The following PACS2 variants were observed in gnomAD, a reference collection of about 807,000 sequenced individuals.
The protein encoded by PACS2 is phosphofurin acidic cluster sorting protein 2.
In PACS2, 36 loss-of-function variants were observed where a neutral mutation model predicts 113.0. That is an observed-to-expected ratio of 0.32 (90% CI 0.24 to 0.42). The LOEUF (loss-of-function observed/expected upper bound fraction) is 0.42. PACS2 is among the 10% of genes least tolerant of loss of function. PACS2 has a pLI of 1.00. For missense variants in PACS2, 1,015 were observed against 1,239.5 expected (o/e 0.82, Z 2.72); for synonymous variants, 589 against 536.1 (o/e 1.10, Z -1.36).
At chr14:105,314,367 G>A (rs1336554350), upstream of PACS2, 1 of 151,822 alleles carries the variant, frequency 6.6e-6, no homozygotes, top group Non-Finnish European at 1.5e-5. Flanking sequence ...TCGCCAGGGC[G>A]ACGATGAGCT....
chr14:105,353,038 C>G (rs2060274437), intron 3 of PACS2, among the ~76,000 whole-genome samples: 1 of 121,128 alleles, frequency 8.3e-6, no homozygotes, highest in Non-Finnish European at 1.7e-5. Context: ...GCACCCCCAT[C>G]ACTGTCCCCT....
intron 3 of PACS2, among the ~76,000 whole-genome samples, chr14:105,353,657 A>C (rs1209455140): frequency 6.6e-6 from 1 of 151,776 alleles, no homozygotes; most frequent in African/African-American, 2.4e-5. Flanking sequence ...AGGCTGGTGC[A>C]GTCTTGGCTC....
In PACS2 at chr14:105,340,241, A is replaced by G. The variant is rs145037116; in HGVS notation, c.120-8252A>G. On this transcript the variant is annotated intron_variant, in intron 1 of 24. Transcript: ENST00000447393. This position sits in a 1 kb window ranked among gnomAD's most constrained non-coding sequence, Gnocchi z 4.2. ...AAATGGCCTCATTCATCTGTGGGGAAAGGATATACTTCTGGGTAAATGGTT... is the reference window on the plus strand; with the variant it reads ...AAATGGCCTCATTCATCTGTGGGGAGAGGATATACTTCTGGGTAAATGGTT... Among the ~76,000 whole-genome samples, 84 of 152,370 alleles carry G rather than the reference A, an allele frequency of 5.5e-4. 1 individual carries two copies. The East Asian group carries it at 9.4e-3, about 17-fold the overall frequency.
Position 105,348,509 on chromosome 14 carries a change from C to T in PACS2, c.136C>T (p.Leu46=), listed in dbSNP as rs782182727. 6.2e-7 allele frequency: 1 copy of T among 1,612,200 alleles called. No homozygotes were observed. The highest frequency in any genetic ancestry group is 8.5e-7 in the Non-Finnish European group (1 of 1,179,614). The change falls in exon 2 of 25, where the codon CTG becomes TTG. Residue 46 remains leucine (L), a synonymous_variant. Coordinates refer to ENST00000447393, the MANE Select transcript of PACS2 (RefSeq NM_001100913.3). This position sits in a 1 kb window ranked among gnomAD's most constrained non-coding sequence, Gnocchi z 6.4. Reference sequence around the variant, plus strand: ...GCCTCACAGGTTGTGCAGCCTGACTCTGAAGAAGCTGGTGGTCTTCAAGGA... The same window carrying T: ...GCCTCACAGGTTGTGCAGCCTGACTTTGAAGAAGCTGGTGGTCTTCAAGGA... ...SCVPRLCSLT[L]KKLVVFKELE...
rs954140726 is a variant in PACS2, at chr14:105,324,857, C to T, written c.119+9820C>T. 1.3e-5 allele frequency among the ~76,000 whole-genome samples: 2 copies of T among 152,126 alleles called. No individual in the cohort carries two copies. The highest frequency in any genetic ancestry group is 4.8e-5 in the African/African-American group (2 of 41,420). On this transcript the variant is annotated intron_variant, in intron 1 of 24. Transcript: ENST00000447393. The surrounding 1 kb of genome is among the most constrained non-coding windows in gnomAD (Gnocchi z 4.7). ...ATGGTCAGGGGCCATGCTGGGTCCC[C>T]TGGGGTGCAGATGCCGCTCAACAGA... is the stretch of plus-strand genomic sequence containing the variant.
At position 105,395,555 on chromosome 14, in the gene PACS2, A is replaced by T. The variant is rs782073543; in HGVS notation, c.*883A>T. Reference sequence around the variant, plus strand: ...CCAGTGGGTATGTCTGAGGTCAGCCATGGGGATATCTGGGTTGAGATTCAG... The same window carrying T: ...CCAGTGGGTATGTCTGAGGTCAGCCTTGGGGATATCTGGGTTGAGATTCAG... On this transcript the variant is annotated 3_prime_UTR_variant, in exon 25 of 25. Coordinates refer to ENST00000447393, the MANE Select transcript of PACS2 (RefSeq NM_001100913.3). The T allele has an allele frequency of 2.6e-5, 4 of 152,306 alleles. No individual in the cohort carries two copies. Among genetic ancestry groups the T allele is most frequent in the Non-Finnish European group, 5.9e-5 (4 of 68,116 alleles). 9.4% of individuals were successfully genotyped at this position (152,306 alleles called of 1,614,324 possible).
At position 105,324,842 on chromosome 14, in the gene PACS2, G is replaced by A. The variant is rs1247709870; in HGVS notation, c.119+9805G>A. 6.6e-6 allele frequency among the ~76,000 whole-genome samples: 1 copy of A among 152,172 alleles called. No individual in the cohort carries two copies. The highest frequency in any genetic ancestry group is 2.4e-5 in the African/African-American group (1 of 41,438). ...CCCCAGGTCCTCTGCATGGTCAGGG[G>A]CCATGCTGGGTCCCCTGGGGTGCAG... On this transcript the variant is annotated intron_variant, in intron 1 of 24. Transcript: ENST00000447393. The surrounding 1 kb of genome is among the most constrained non-coding windows in gnomAD (Gnocchi z 4.7).
chr14:105,381,801 C>G, intron 12 of PACS2, 113 bp from the exon 13 acceptor site: 1 of 989,454 alleles, frequency 1.0e-6, no homozygotes, highest in Non-Finnish European at 1.5e-6. Context: ...GCCCTGTGCT[C>G]ACCCTTCCCT....
At chr14:105,314,177 G>A (rs368620678), upstream of PACS2, among the ~76,000 whole-genome samples, 5,525 of 152,200 alleles carry the variant, frequency 0.036, 169 homozygotes, top group Non-Finnish European at 0.054. Context: ...GGGAACCCAC[G>A]CAGGGGGGCG....
At chr14:105,306,163 C>G (rs1433272809) in intron 1 of PACS2, among the ~76,000 whole-genome samples, 1 of 152,216 alleles carries the variant, frequency 6.6e-6, no homozygotes, top group Non-Finnish European at 1.5e-5. Context: ...GAAGGATTTC[C>G]TTTTCTCAGG....
At chr14:105,374,822 T>C (rs1200892950) in intron 8 of PACS2, 1 of 152,222 alleles carries the variant, frequency 6.6e-6, no homozygotes, top group Non-Finnish European at 1.5e-5. Context: ...ACACACCTTG[T>C]GGTGAAGGTT....
rs139875877 is a variant in PACS2 at position 105,361,690 on chromosome 14, C to T, written c.424-5523C>T. On this transcript the variant is annotated intron_variant, in intron 4 of 24. Coordinates refer to ENST00000447393, the MANE Select transcript of PACS2 (RefSeq NM_001100913.3). Reference sequence around the variant, plus strand: ...GTGGGCCGGGTGCAATGGCTCACGCCGGTAATCCCAGCACTTTGGGAGGCC... The same window carrying T: ...GTGGGCCGGGTGCAATGGCTCACGCTGGTAATCCCAGCACTTTGGGAGGCC... 2.9e-4 allele frequency among the ~76,000 whole-genome samples: 44 copies of T among 152,096 alleles called. No individual in the cohort carries two copies. The East Asian group carries it at 6.6e-3, about 23-fold the overall frequency.
intron 8 of PACS2, chr14:105,370,815 C>T (rs1380658319): frequency 6.6e-6 from 1 of 152,260 alleles, no homozygotes; most frequent in Non-Finnish European, 1.5e-5. Flanking sequence ...CTGCCTCTGC[C>T]TCCCAAAGTG....
intron 3 of PACS2, among the ~76,000 whole-genome samples, chr14:105,353,781 A>G (rs1595673313): frequency 6.6e-6 from 1 of 151,912 alleles, no homozygotes; most frequent in South Asian, 2.1e-4. Context: ...TTTAGTTGAG[A>G]CGGGGTTTCA....
At position 105,393,238 on chromosome 14, in the gene PACS2, G is replaced by A; in HGVS notation, c.2499G>A (p.Lys833=). 1.2e-6 allele frequency: 2 copies of A among 1,612,788 alleles called. No individual in the cohort carries two copies. Among genetic ancestry groups the A allele is most frequent in the Non-Finnish European group, 1.7e-6 (2 of 1,179,790 alleles). ...EKNKKVMFLP[K]KAKDKDVESK... ...TCCTCCCAGTGATGTTTCTGCCCAA[G>A]AAAGCGAAGGACAAGGACGTGGAGT... is the stretch of plus-strand genomic sequence containing the variant. Residue 833 remains lysine, a synonymous_variant, in exon 24 of 25, where the codon AAG becomes AAA. Transcript: ENST00000447393.
intron 1 of PACS2, among the ~76,000 whole-genome samples, chr14:105,341,578 G>A (rs782057618): frequency 1.3e-5 from 2 of 152,242 alleles, no homozygotes; most frequent in Non-Finnish European, 2.9e-5. Context: ...AGGGCCAAGT[G>A]TGGTGCACCT....
chr14:105,303,667 C>G (rs2058098016), intron 1 of PACS2, among the ~76,000 whole-genome samples: 1 of 152,204 alleles, frequency 6.6e-6, no homozygotes, highest in East Asian at 1.9e-4. Flanking sequence ...CTGCACATTT[C>G]AATGTGCTGT....
At chr14:105,391,082 C>T (rs1022326948) in intron 20 of PACS2, 125 bp from the exon 21 acceptor site, 1 of 725,270 alleles carries the variant, frequency 1.4e-6, no homozygotes, top group South Asian at 1.5e-5. Flanking sequence ...AGGGAGCTGG[C>T]ACCACCTGGC....
At chr14:105,332,745 A>C (rs1169989467) in intron 1 of PACS2, among the ~76,000 whole-genome samples, 1 of 152,188 alleles carries the variant, frequency 6.6e-6, no homozygotes, top group African/African-American at 2.4e-5. Context: ...AGTCCCCCGC[A>C]GGACAGCAGT....
Sources: allele counts gnomAD v4.1 joint callset (sites outside exome capture counted in the v4.1 genomes callset), GRCh38; gene constraint gnomAD v4.1.1; non-coding constraint Gnocchi (gnomAD v3.1); transcripts MANE v1.5; gene names NCBI Gene and HGNC (gene_info 2026-07-23, HGNC 2026-07-21).